The following ELK3 variants were observed in gnomAD, a reference collection of about 807,000 sequenced individuals.
ELK3 encodes the protein ETS domain-containing protein Elk-3.
Under a neutral mutation model 28.9 loss-of-function variants are expected in ELK3, and 10 were observed. The observed-to-expected ratio is 0.35, with a 90% CI of 0.21 to 0.59. The LOEUF (loss-of-function observed/expected upper bound fraction) is 0.59. ELK3 is among the 20% of genes least tolerant of loss of function. The pLI is 0.82. For synonymous variants in ELK3, 272 were observed against 243.5 expected (o/e 1.12, Z -1.09); for missense variants, 463 against 517.3 (o/e 0.90, Z 1.02).
At chr12:96,201,010 T>TG in intron 1 of ELK3, among the ~76,000 whole-genome samples, 1 of 152,184 alleles carries the variant, frequency 6.6e-6, no homozygotes. Context: ...TCATTATCCC[T>TG]GGCCATTTAC....
chr12:96,263,799 G>A (rs1952010672), intron 4 of ELK3, among the ~76,000 whole-genome samples: 1 of 152,160 alleles, frequency 6.6e-6, no homozygotes, highest in Non-Finnish European at 1.5e-5. Flanking sequence ...AGATAAGGTT[G>A]GAAACGCAGC....
intron 4 of ELK3, among the ~76,000 whole-genome samples, chr12:96,261,477 G>A (rs532220571): frequency 6.6e-6 from 1 of 152,204 alleles, no homozygotes; most frequent in Middle Eastern, 3.2e-3. Flanking sequence ...CTCATTTCCT[G>A]AAAGTCTTAA....
At chr12:96,209,592 G>C (rs544945909) in intron 1 of ELK3, among the ~76,000 whole-genome samples, 1 of 152,192 alleles carries the variant, frequency 6.6e-6, no homozygotes, top group Non-Finnish European at 1.5e-5. Context: ...GAAGTGGTCT[G>C]TAAGATTTCC....
intron 3 of ELK3, among the ~76,000 whole-genome samples, chr12:96,249,466 G>A (rs1363767292): frequency 6.6e-6 from 1 of 152,196 alleles, no homozygotes; most frequent in Non-Finnish European, 1.5e-5. Flanking sequence ...TTCCAGTTAA[G>A]CAAGGCTGTC....
At chr12:96,259,461 G>A (rs1279680643) in intron 3 of ELK3, among the ~76,000 whole-genome samples, 3 of 152,174 alleles carry the variant, frequency 2.0e-5, no homozygotes, top group Non-Finnish European at 2.9e-5. Context: ...CAGGAGAATC[G>A]CTTAAACCCA....
At chr12:96,251,230 T>C (rs1459816066) in intron 3 of ELK3, among the ~76,000 whole-genome samples, 3 of 152,180 alleles carry the variant, frequency 2.0e-5, no homozygotes, top group Non-Finnish European at 4.4e-5. Context: ...ATTGTCATTG[T>C]TTTGGGGCAC....
intron 1 of ELK3, among the ~76,000 whole-genome samples, chr12:96,213,400 A>G (rs1951589946): frequency 1.3e-5 from 2 of 152,216 alleles, no homozygotes; most frequent in South Asian, 4.1e-4. Context: ...TTGGATGGAA[A>G]TAGGCCCTTT....
chr12:96,262,803 A>AT (rs1952003231), intron 4 of ELK3, among the ~76,000 whole-genome samples: 1 of 151,672 alleles, frequency 6.6e-6, no homozygotes, highest in Non-Finnish European at 1.5e-5. Context: ...AGTGCCTCTT[A>AT]TTTTTTTAAG....
chr12:96,208,670 T>G (rs138082598), intron 1 of ELK3, among the ~76,000 whole-genome samples: 1 of 152,116 alleles, frequency 6.6e-6, no homozygotes, highest in Non-Finnish European at 1.5e-5. Flanking sequence ...TTAAATGACC[T>G]CCAAGGAGCC....
At position 96,244,545 on chromosome 12, in the gene ELK3, C is replaced by G. The variant is rs948492385; in HGVS notation, c.208-2395C>G. 1.2e-4 allele frequency among the ~76,000 whole-genome samples: 18 copies of G among 148,212 alleles called. 1 individual carries two copies. The highest frequency in any genetic ancestry group is 4.5e-4 in the African/African-American group (18 of 40,000). On this transcript the variant is annotated intron_variant, in intron 2 of 4. Coordinates refer to ENST00000228741, the MANE Select transcript of ELK3 (RefSeq NM_005230.4). ...TTTCTTCTGTGTTTTTATTTTGGCTCTAAATAAAACATTTATAGAAGTTTG... is the reference window on the plus strand; with the variant it reads ...TTTCTTCTGTGTTTTTATTTTGGCTGTAAATAAAACATTTATAGAAGTTTG...
At chr12:96,263,082 T>C (rs1952005788) in intron 4 of ELK3, among the ~76,000 whole-genome samples, 2 of 152,242 alleles carry the variant, frequency 1.3e-5, no homozygotes, top group African/African-American at 4.8e-5. Flanking sequence ...GCTGGCAAGT[T>C]TCCTATTACC....
intron 1 of ELK3, among the ~76,000 whole-genome samples, chr12:96,195,188 C>T (rs1951454828): frequency 2.0e-5 from 3 of 152,108 alleles, no homozygotes; most frequent in South Asian, 4.2e-4. Flanking sequence ...TCAGGCTCCC[C>T]TCGAGTGGGC....
intron 3 of ELK3, among the ~76,000 whole-genome samples, chr12:96,254,611 C>G (rs1316605005): frequency 6.6e-6 from 1 of 151,936 alleles, no homozygotes; most frequent in Non-Finnish European, 1.5e-5. Context: ...GAGTGCCCAT[C>G]ATGTGAAAGC....
intron 2 of ELK3, among the ~76,000 whole-genome samples, chr12:96,233,465 A>G (rs1421601865): frequency 2.0e-5 from 3 of 152,184 alleles, no homozygotes; most frequent in Non-Finnish European, 4.4e-5. Context: ...GTACTGAACA[A>G]TCTTTACTTA....
chr12:96,203,578 G>A (rs573146555), intron 1 of ELK3, among the ~76,000 whole-genome samples: 1 of 152,306 alleles, frequency 6.6e-6, no homozygotes, highest in East Asian at 1.9e-4. Context: ...GCCGTTTGTT[G>A]CTATGCATAT....
intron 2 of ELK3, among the ~76,000 whole-genome samples, chr12:96,236,861 A>C (rs956279005): frequency 5.9e-5 from 9 of 152,228 alleles, no homozygotes; most frequent in African/African-American, 2.2e-4. Flanking sequence ...GAAGTGTGTA[A>C]TCCAGGTATC....
At chr12:96,218,223 G>A (rs79867551) in intron 1 of ELK3, among the ~76,000 whole-genome samples, 3,251 of 152,220 alleles carry the variant, frequency 0.021, 58 homozygotes, top group Non-Finnish European at 0.032. Context: ...AGCCAGAGAC[G>A]GGAAGGCCCT....
At chr12:96,228,442 A>AAAAAAAAAAAAAAAAAAAAAAAAAAAAG (rs761298726) in intron 2 of ELK3, among the ~76,000 whole-genome samples, 1 of 142,644 alleles carries the variant, frequency 7.0e-6, no homozygotes, top group Admixed American at 7.5e-5. Flanking sequence ...AAAAAAAAAA[A>AAAAAAAAAAAAAAAAAAAAAAAAAAAAG]AAGAAGATCA....
rs753246308 is a variant in ELK3, at chr12:96,247,519, G to T, written c.787G>T (p.Ala263Ser). 1.9e-6 allele frequency: 3 copies of T among 1,613,786 alleles called. No individual in the cohort carries two copies. Among genetic ancestry groups the T allele is most frequent in the East Asian group, 2.2e-5 (1 of 44,854 alleles). Residue 263 changes from alanine (A) to serine (S), a missense_variant, in exon 3 of 5, where the codon GCC (alanine) becomes TCC (serine). Ala to Ser is a moderately conservative substitution (Grantham distance 99, BLOSUM62 1). Transcript: ENST00000228741. The surrounding 1 kb of genome is among the most constrained non-coding windows in gnomAD (Gnocchi z 5.5). ...PSEHRSLFLE[A>S]ACHDSDSLEP... ...TGAACACAGAAGCCTCTTCCTGGAG[G>T]CCGCCTGCCATGACTCCGATTCCCT...
Sources: gnomAD v4.1 joint callset for allele counts (sites outside exome capture counted in the v4.1 genomes callset) on GRCh38, gnomAD v4.1.1 for gene constraint, Gnocchi (gnomAD v3.1) non-coding constraint, MANE v1.5 for transcripts, NCBI Gene and HGNC (gene_info 2026-07-23, HGNC 2026-07-21) for gene names.